C11orf42: variants seen among roughly 807,000 people sequenced by gnomAD.
The protein encoded by C11orf42 is chromosome 11 open reading frame 42, also known as uncharacterized protein C11orf42.
A neutral mutation model predicts 27.9 loss-of-function variants in C11orf42; 24 were observed. The observed-to-expected ratio is 0.86, with a 90% CI of 0.62 to 1.21. The LOEUF (loss-of-function observed/expected upper bound fraction) is 1.21. C11orf42 is among the 50% of genes most tolerant of loss of function. The pLI, the probability that C11orf42 is intolerant of heterozygous loss-of-function variation, is 0.00. For synonymous variants in C11orf42, 187 were observed against 180.8 expected, an observed-to-expected ratio of 1.03 and a Z score of -0.28; for missense variants, 455 against 424.1, an observed-to-expected ratio of 1.07 and a Z score of -0.64.
At position 6,210,036 on chromosome 11, in the gene C11orf42, G is replaced by A. The variant is rs1847029631; in HGVS notation, c.259G>A (p.Ala87Thr). The A allele has an allele frequency of 1.9e-6, 3 of 1,614,114 alleles. No individual in the cohort carries two copies. Among genetic ancestry groups the A allele is most frequent in the African/African-American group, 1.3e-5 (1 of 74,938 alleles). Residue 87 changes from alanine (A) to threonine (T), a missense_variant, in exon 2 of 3, where the codon GCA (alanine) becomes ACA (threonine). Physicochemically the swap from Ala to Thr is moderately conservative, Grantham distance 58. Transcript: ENST00000316375. The surrounding 1 kb of genome is among the most constrained non-coding windows in gnomAD (Gnocchi z 4.0). ...GCCACTACCAAGCCTCCTGGAGCAG[G>A]CAGGATCTGAGGGTGCCTTCGCCCA... ...VGPLPSLLEQAGSEGAFAHCT... is the reference protein window; with the variant it reads ...VGPLPSLLEQTGSEGAFAHCT...
chr11:6,209,823 C>G (rs758207934), intron 1 of C11orf42, 27 bp from the exon 2 acceptor site: 17 of 1,549,388 alleles, frequency 1.1e-5, no homozygotes, highest in Non-Finnish European at 1.5e-5. Flanking sequence ...ACCCTAAGTC[C>G]CTGACCTATA....
intron 1 of C11orf42, among the ~76,000 whole-genome samples, chr11:6,206,575 A>C (rs761868786): frequency 3.1e-4 from 47 of 152,108 alleles, no homozygotes; most frequent in Non-Finnish European, 6.0e-4. Context: ...AAAAATCTTA[A>C]AGCAGTGCCT....
chr11:6,206,942 T>A (rs960020281), intron 1 of C11orf42, among the ~76,000 whole-genome samples: 2 of 152,224 alleles, frequency 1.3e-5, no homozygotes, highest in Non-Finnish European at 2.9e-5. Context: ...GTGACCTGGT[T>A]TCCTGTGTCC....
chr11:6,209,937 A>G lies in C11orf42; in HGVS notation c.160A>G (p.Lys54Glu). 3.1e-6 allele frequency: 5 copies of G among 1,610,858 alleles called. No individual in the cohort carries two copies. The highest frequency in any genetic ancestry group is 4.2e-6 in the Non-Finnish European group (5 of 1,177,184). The change falls in exon 2 of 3, where the codon AAA becomes GAA. Residue 54 changes from lysine to glutamate, a missense_variant. Transcript: ENST00000316375. ...CTATGACCTACTGGGTGTGCTGGTAAAACAGTCCCGCCCAGCCCATACCCG... is the reference window on the plus strand; with the variant it reads ...CTATGACCTACTGGGTGTGCTGGTAGAACAGTCCCGCCCAGCCCATACCCG... ...ACYDLLGVLV[K>E]QSRPAHTRLA...
In C11orf42 at chr11:6,210,374, G is replaced by A; in HGVS notation, c.597G>A (p.Lys199=). Residue 199 remains lysine (K), a synonymous_variant, in exon 2 of 3, where the codon AAG becomes AAA. Coordinates refer to ENST00000316375, the MANE Select transcript of C11orf42 (RefSeq NM_173525.3). This position sits in a 1 kb window ranked among gnomAD's most constrained non-coding sequence, Gnocchi z 4.0. ...RSLPVAFSCL[K]FSLQSKGVLG... Reference sequence around the variant, plus strand: ...TACCTGTTGCCTTCTCCTGCCTCAAGTTTTCACTGCAGTCTAAGGGCGTGC... The same window carrying A: ...TACCTGTTGCCTTCTCCTGCCTCAAATTTTCACTGCAGTCTAAGGGCGTGC... The A allele has an allele frequency of 6.2e-7, 1 of 1,614,200 alleles. No homozygotes were observed. Among genetic ancestry groups the A allele is most frequent in the South Asian group, 1.1e-5 (1 of 91,090 alleles).
At chr11:6,209,744 C>A in intron 1 of C11orf42, 106 bp from the exon 2 acceptor site, 1 of 1,139,328 alleles carries the variant, frequency 8.8e-7, no homozygotes, top group Non-Finnish European at 1.3e-6. Flanking sequence ...TAAATCTGAA[C>A]ACATTATAGA....
intron 1 of C11orf42, among the ~76,000 whole-genome samples, chr11:6,208,972 C>T (rs1265913987): frequency 2.6e-5 from 4 of 151,792 alleles, no homozygotes; most frequent in South Asian, 2.1e-4. Flanking sequence ...CTCAGGAGTT[C>T]AAAACCAGCC....
intron 1 of C11orf42, among the ~76,000 whole-genome samples, chr11:6,208,919 A>G (rs1015165358): frequency 1.2e-3 from 179 of 152,198 alleles, no homozygotes; most frequent in African/African-American, 3.9e-3. Flanking sequence ...TCACATCTGT[A>G]ATCTCAACAC....
Position 6,205,706 on chromosome 11 carries a change from C to CTA in C11orf42, c.72+20_72+21dup, listed in dbSNP as rs754246119. The CTA allele has an allele frequency of 6.0e-5, 97 of 1,607,780 alleles. No homozygotes were observed. The Middle Eastern group carries it at 1.5e-3, about 25-fold the overall frequency. ...GGATAAGGTAGGTAAAGTAAGGAGG[C>CTA]TAAAGAGGAAGCAACGAAGTGTGAC... On this transcript the variant is annotated intron_variant, in intron 1 of 2. Coordinates refer to ENST00000316375, the MANE Select transcript of C11orf42 (RefSeq NM_173525.3).
In C11orf42 at chr11:6,210,254, C is replaced by T. The variant is rs1172756321; in HGVS notation, c.477C>T (p.Ile159=). ...TLPWLRSTHS[I]YVIYQVFSCS... ...CCTGGCTCCGAAGCACCCACAGCATCTATGTCATCTACCAGGTCTTCTCTT... is the reference window on the plus strand; with the variant it reads ...CCTGGCTCCGAAGCACCCACAGCATTTATGTCATCTACCAGGTCTTCTCTT... The change falls in exon 2 of 3, where the codon ATC becomes ATT. Residue 159 remains isoleucine (I), a synonymous_variant. Coordinates refer to ENST00000316375, the MANE Select transcript of C11orf42 (RefSeq NM_173525.3). This position sits in a 1 kb window ranked among gnomAD's most constrained non-coding sequence, Gnocchi z 4.0. 4 of 1,614,236 alleles carry T rather than the reference C, an allele frequency of 2.5e-6. No homozygotes were observed. The South Asian group carries it at 4.4e-5, about 18-fold the overall frequency.
intron 1 of C11orf42, among the ~76,000 whole-genome samples, chr11:6,207,761 T>C (rs1430388857): frequency 6.6e-6 from 1 of 152,196 alleles, no homozygotes; most frequent in Non-Finnish European, 1.5e-5. Context: ...CCTCAGCTTA[T>C]CCAAGGTGCA....
At position 6,209,959 on chromosome 11, in the gene C11orf42, C is replaced by A. The variant is rs1218309033; in HGVS notation, c.182C>A (p.Thr61Asn). ...VLVKQSRPAH[T>N]RLALPGRQGR... ...GTAAAACAGTCCCGCCCAGCCCATA[C>A]CCGCCTGGCTTTGCCAGGTCGGCAG... is the stretch of plus-strand genomic sequence containing the variant. The change falls in exon 2 of 3, where the codon ACC (threonine) becomes AAC (asparagine). Residue 61 changes from threonine to asparagine, a missense_variant. Transcript: ENST00000316375. The A allele has an allele frequency of 1.2e-6, 2 of 1,613,218 alleles. No homozygotes were observed. The highest frequency in any genetic ancestry group is 2.7e-5 in the African/African-American group (2 of 74,928).
intron 1 of C11orf42, among the ~76,000 whole-genome samples, chr11:6,208,618 G>A (rs1847006172): frequency 6.6e-6 from 1 of 152,008 alleles, no homozygotes; most frequent in Admixed American, 6.6e-5. Flanking sequence ...GTAGAGACAG[G>A]GTTTCACCAT....
chr11:6,209,729 A>C, intron 1 of C11orf42, 121 bp from the exon 2 acceptor site: 1 of 1,000,778 alleles, frequency 1.0e-6, no homozygotes, highest in Non-Finnish European at 1.5e-6. Context: ...GGTAAGCAGA[A>C]AGCATAAATC....
rs781711663 is a variant in C11orf42 at position 6,210,257 on chromosome 11, T to C, written c.480T>C (p.Tyr160=). 3 of 1,614,248 alleles carry C rather than the reference T, an allele frequency of 1.9e-6. No homozygotes were observed. The highest frequency in any genetic ancestry group is 1.7e-5 in the Admixed American group (1 of 60,032). The part of the protein sequence containing the change: ...LPWLRSTHSI[Y]VIYQVFSCSW... Reference sequence around the variant, plus strand: ...GGCTCCGAAGCACCCACAGCATCTATGTCATCTACCAGGTCTTCTCTTGTT... The same window carrying C: ...GGCTCCGAAGCACCCACAGCATCTACGTCATCTACCAGGTCTTCTCTTGTT... The change falls in exon 2 of 3, where the codon TAT becomes TAC. Residue 160 remains tyrosine (Y), a synonymous_variant. Transcript: ENST00000316375. This position sits in a 1 kb window ranked among gnomAD's most constrained non-coding sequence, Gnocchi z 4.0.
chr11:6,205,667 T>C lies in C11orf42; in HGVS notation c.52T>C (p.Trp18Arg), dbSNP rs987011168. The change falls in exon 1 of 3, where the codon TGG becomes CGG. Residue 18 changes from tryptophan (W) to arginine (R), a missense_variant. Transcript: ENST00000316375. The part of the protein sequence containing the change: ...LLTLDEADAT[W>R]TLIKDKVIEE... The stretch of plus-strand genomic sequence containing the variant: ...GACACTGGATGAAGCTGATGCCACC[T>C]GGACCCTCATCAAGGATAAGGTAGG... The C allele has an allele frequency of 3.7e-6, 6 of 1,613,728 alleles. No homozygotes were observed. In the East Asian group the frequency reaches 1.3e-4, roughly 36 times the overall value.
chr11:6,210,045 G>A lies in C11orf42; in HGVS notation c.268G>A (p.Glu90Lys). 5 of 1,614,250 alleles carry A rather than the reference G, an allele frequency of 3.1e-6. No homozygotes were observed. Among genetic ancestry groups the A allele is most frequent in the Non-Finnish European group, 4.2e-6 (5 of 1,180,044 alleles). Residue 90 changes from glutamate to lysine, a missense_variant, in exon 2 of 3, where the codon GAG becomes AAG. Physicochemically the swap from Glu to Lys is moderately conservative, Grantham distance 56. Coordinates refer to ENST00000316375, the MANE Select transcript of C11orf42 (RefSeq NM_173525.3). This position sits in a 1 kb window ranked among gnomAD's most constrained non-coding sequence, Gnocchi z 4.0. ...LPSLLEQAGS[E>K]GAFAHCTREY... ...AAGCCTCCTGGAGCAGGCAGGATCT[G>A]AGGGTGCCTTCGCCCACTGCACTCG...
chr11:6,209,173 CAAA>C (rs59276219), intron 1 of C11orf42, among the ~76,000 whole-genome samples: 4,711 of 124,038 alleles, frequency 0.038, 124 homozygotes, highest in African/African-American at 0.088. Flanking sequence ...AGAACCGACT[CAAA>C]AAAAAAAAAA....
At chr11:6,209,768 G>A (rs1590595024) in intron 1 of C11orf42, 82 bp from the exon 2 acceptor site, 40 of 1,366,760 alleles carry the variant, frequency 2.9e-5, no homozygotes, top group South Asian at 2.1e-4. Context: ...GTAACTGAAC[G>A]TGAACCTGGG....
Sources: gnomAD v4.1 joint callset for allele counts (sites outside exome capture counted in the v4.1 genomes callset) on GRCh38, gnomAD v4.1.1 for gene constraint, Gnocchi (gnomAD v3.1) non-coding constraint, MANE v1.5 for transcripts, NCBI Gene and HGNC (gene_info 2026-07-23, HGNC 2026-07-21) for gene names.